KLHL1: variants seen among roughly 807,000 people sequenced by gnomAD.
The protein encoded by KLHL1 is kelch like family member 1.
A neutral mutation model predicts 77.7 loss-of-function variants in KLHL1; 47 were observed. The ratio of observed to expected loss-of-function variants is 0.60; its 90% CI spans 0.48 to 0.77. KLHL1 has a LOEUF of 0.77. KLHL1 is among the 30% of genes least tolerant of loss of function. KLHL1 has a pLI of 0.00. For synonymous variants in KLHL1, 360 were observed against 325.2 expected (o/e 1.11, Z -1.15); for missense variants, 925 against 910.8 (o/e 1.02, Z -0.20).
chr13:70,068,045 T>TAAAAA (rs11383566), intron 1 of KLHL1, among the ~76,000 whole-genome samples: 3 of 141,512 alleles, frequency 2.1e-5, no homozygotes, highest in Non-Finnish European at 3.1e-5. Context: ...TTAGTATAAG[T>TAAAAA]AAAAAAAAAA....
At chr13:70,066,595 G>A (rs949438895) in intron 1 of KLHL1, among the ~76,000 whole-genome samples, 3 of 152,250 alleles carry the variant, frequency 2.0e-5, no homozygotes, top group Admixed American at 6.5e-5. Context: ...ATAGTCCTTC[G>A]TCGGTAATGA....
intron 6 of KLHL1, among the ~76,000 whole-genome samples, chr13:69,818,443 T>C (rs1878209916): frequency 2.0e-5 from 3 of 151,870 alleles, no homozygotes; most frequent in Non-Finnish European, 4.4e-5. Flanking sequence ...CTGGTCTCCA[T>C]CTCTTGACCT....
rs534171842 is a variant in KLHL1, at chr13:69,805,111, T to C, written c.1415-8149A>G. ...ATTTTTCCAGCACAAATAAAAGTCT[T>C]TATTTTTTTAAGTAATTTGTTATAT... On this transcript the variant is annotated intron_variant, in intron 6 of 10. Coordinates refer to ENST00000377844, the MANE Select transcript of KLHL1 (RefSeq NM_020866.3). Among the ~76,000 whole-genome samples the C allele has an allele frequency of 1.4e-4, 21 of 152,106 alleles. No individual in the cohort carries two copies. In the East Asian group the frequency reaches 3.5e-3, roughly 25 times the overall value.
chr13:69,736,588 A>G (rs1289527034), intron 8 of KLHL1, among the ~76,000 whole-genome samples: 2 of 152,124 alleles, frequency 1.3e-5, no homozygotes, highest in Non-Finnish European at 1.5e-5. Flanking sequence ...ATACTTGCAC[A>G]TGCCTGTTTA....
chr13:69,950,546 G>A (rs948699601), intron 3 of KLHL1, among the ~76,000 whole-genome samples: 3 of 151,418 alleles, frequency 2.0e-5, no homozygotes, highest in African/African-American at 4.8e-5. Context: ...TGCAACACTC[G>A]AGGAAATTTT....
At position 69,839,151 on chromosome 13, in the gene KLHL1, G is replaced by A. The variant is rs1354568805; in HGVS notation, c.1239C>T (p.Asp413=). 1.3e-6 allele frequency: 2 copies of A among 1,597,336 alleles called. No individual in the cohort carries two copies. Among genetic ancestry groups the A allele is most frequent in the Non-Finnish European group, 1.7e-6 (2 of 1,169,800 alleles). ...TCTTAAATAATGCATGATTTTCTAG[G>A]TCAGCCAATATCTGTGAATAATACA... ...LPLLPPQILA[D]LENHALFKND... is the part of the protein sequence containing the mutation. Residue 413 remains aspartate, a synonymous_variant, in exon 6 of 11, where the codon GAC becomes GAT. Transcript: ENST00000377844.
chr13:70,086,962 G>A (rs553478169), intron 1 of KLHL1, among the ~76,000 whole-genome samples: 2 of 152,248 alleles, frequency 1.3e-5, no homozygotes, highest in South Asian at 2.1e-4. Flanking sequence ...TGGGTCAGGG[G>A]GGAATGGCAT....
chr13:70,049,278 C>A (rs530372513), intron 1 of KLHL1, among the ~76,000 whole-genome samples: 2 of 152,128 alleles, frequency 1.3e-5, no homozygotes, highest in East Asian at 1.9e-4. Flanking sequence ...AAACCTAATT[C>A]TTTTATTTCT....
At chr13:69,799,721 TC>T (rs1265508831) in intron 6 of KLHL1, among the ~76,000 whole-genome samples, 1 of 152,216 alleles carries the variant, frequency 6.6e-6, no homozygotes, top group Non-Finnish European at 1.5e-5. Context: ...CTGCCATGGC[TC>T]TGTTCCTTTC....
intron 7 of KLHL1, among the ~76,000 whole-genome samples, chr13:69,792,077 T>A (rs1876898707): frequency 6.6e-6 from 1 of 152,170 alleles, no homozygotes; most frequent in African/African-American, 2.4e-5. Context: ...TTTACCTATG[T>A]AACAAACCTG....
intron 4 of KLHL1, among the ~76,000 whole-genome samples, chr13:69,882,878 A>C (rs1881054794): frequency 6.6e-6 from 1 of 152,196 alleles, no homozygotes; most frequent in African/African-American, 2.4e-5. Context: ...GAGGATCAGA[A>C]AATGGCACTA....
intron 8 of KLHL1, among the ~76,000 whole-genome samples, chr13:69,725,999 T>C (rs943428493): frequency 9.2e-5 from 14 of 152,150 alleles, no homozygotes; most frequent in African/African-American, 3.1e-4. Context: ...GTGTCTCCAC[T>C]AGAAAGTCTT....
At position 69,899,516 on chromosome 13, in the gene KLHL1, G is replaced by T. The variant is rs574173674; in HGVS notation, c.1015-17021C>A. ...GAAAAAGGAGAGAACTCAGTCCCAG[G>T]TGAGAAGCGCATTAACACGATATAT... On this transcript the variant is annotated intron_variant, in intron 4 of 10. Transcript: ENST00000377844. Among the ~76,000 whole-genome samples the T allele has an allele frequency of 6.6e-5, 10 of 152,266 alleles. No individual in the cohort carries two copies. In the South Asian group the frequency reaches 2.1e-3, roughly 32 times the overall value.
At chr13:69,742,816 T>C (rs1874040611) in intron 7 of KLHL1, among the ~76,000 whole-genome samples, 1 of 152,154 alleles carries the variant, frequency 6.6e-6, no homozygotes, top group Non-Finnish European at 1.5e-5. Flanking sequence ...ACCATAAACT[T>C]CAAATCTTGT....
chr13:69,947,480 A>G (rs1355575869), intron 3 of KLHL1, among the ~76,000 whole-genome samples: 1 of 152,074 alleles, frequency 6.6e-6, no homozygotes, highest in African/African-American at 2.4e-5. Flanking sequence ...TTCAGTCTAA[A>G]TTCAAACCCT....
At chr13:69,981,967 A>G (rs866308118) in intron 1 of KLHL1, among the ~76,000 whole-genome samples, 1 of 152,096 alleles carries the variant, frequency 6.6e-6, no homozygotes, top group Non-Finnish European at 1.5e-5. Context: ...GGCAATATAA[A>G]TATGTGAATA....
At chr13:69,950,100 A>G (rs968881651) in intron 3 of KLHL1, among the ~76,000 whole-genome samples, 2 of 151,664 alleles carry the variant, frequency 1.3e-5, no homozygotes, top group Non-Finnish European at 3.0e-5. Context: ...ATGTTTTTTG[A>G]GTACTAATTA....
At chr13:69,838,637 C>T (rs2138108089) in intron 6 of KLHL1, among the ~76,000 whole-genome samples, 1 of 151,876 alleles carries the variant, frequency 6.6e-6, no homozygotes, top group Non-Finnish European at 1.5e-5. Flanking sequence ...TAATTGAGAT[C>T]CCAGCAAGAA....
chr13:70,032,750 T>G (rs775401590), intron 1 of KLHL1, among the ~76,000 whole-genome samples: 89 of 152,194 alleles, frequency 5.8e-4, no homozygotes, highest in Non-Finnish European at 1.8e-4. Flanking sequence ...CATGCAAAAG[T>G]TATTTATCTA....
Sources: gnomAD v4.1 joint callset for allele counts (sites outside exome capture counted in the v4.1 genomes callset) on GRCh38, gnomAD v4.1.1 for gene constraint, MANE v1.5 for transcripts, NCBI Gene and HGNC (gene_info 2026-07-23, HGNC 2026-07-21) for gene names.